The following XYLB variants were observed in gnomAD, a reference collection of about 807,000 sequenced individuals.
XYLB encodes the protein xylulokinase, also known as xylulose kinase.
Under a neutral mutation model 78.7 loss-of-function variants are expected in XYLB, and 62 were observed. The ratio of observed to expected loss-of-function variants is 0.79; its 90% CI spans 0.64 to 0.97. XYLB has a LOEUF of 0.97. XYLB is among the 50% of genes least tolerant of loss of function. XYLB has a pLI of 0.00. For synonymous variants in XYLB, 245 were observed against 247.4 expected, an observed-to-expected ratio of 0.99 and a Z score of 0.09; for missense variants, 687 against 676.8, an observed-to-expected ratio of 1.02 and a Z score of -0.17.
intron 17 of XYLB, among the ~76,000 whole-genome samples, chr3:38,400,646 A>G (rs953078071): frequency 6.6e-6 from 1 of 152,186 alleles, no homozygotes; most frequent in Non-Finnish European, 1.5e-5. Context: ...TGCTGGAGAC[A>G]AGCCTGCACT....
At chr3:38,372,617 C>T (rs1706628698) in intron 9 of XYLB, 38 bp from the exon 10 acceptor site, 1 of 1,613,668 alleles carries the variant, frequency 6.2e-7, no homozygotes, top group Admixed American at 1.7e-5. Flanking sequence ...GCGGGATTTA[C>T]CTCAACAGAG....
intron 15 of XYLB, among the ~76,000 whole-genome samples, chr3:38,388,164 T>TTG (rs1707468992): frequency 2.4e-5 from 1 of 41,194 alleles, no homozygotes; most frequent in Non-Finnish European, 9.1e-5. Flanking sequence ...TGGTGGTTTT[T>TTG]TTTTGTTTTT....
chr3:38,371,422 C>T lies in XYLB; in HGVS notation c.766-1233C>T, dbSNP rs193107540. 7.2e-3 allele frequency among the ~76,000 whole-genome samples: 1,099 copies of T among 152,184 alleles called. 9 individuals carry two copies. Among genetic ancestry groups the T allele is most frequent in the African/African-American group, 0.024 (1,002 of 41,512 alleles). On this transcript the variant is annotated intron_variant, in intron 9 of 18. Coordinates refer to ENST00000207870, the MANE Select transcript of XYLB (RefSeq NM_005108.4). ...CCGAGTAGCTGGGACTATAGGTGCC[C>T]GCCACCACGCCTGGCTAATTTTTTT... is the stretch of plus-strand genomic sequence containing the variant.
At chr3:38,375,655 T>C (rs936616096) in intron 12 of XYLB, among the ~76,000 whole-genome samples, 2 of 152,092 alleles carry the variant, frequency 1.3e-5, no homozygotes, top group African/African-American at 4.8e-5. Flanking sequence ...GGGAAGGACA[T>C]CCTGCCTCCC....
chr3:38,391,560 C>T (rs1341791507), intron 15 of XYLB, among the ~76,000 whole-genome samples: 1 of 152,192 alleles, frequency 6.6e-6, no homozygotes, highest in Non-Finnish European at 1.5e-5. Context: ...TTTCATTGTA[C>T]TGTGATATTC....
chr3:38,451,116 G>T, the XYLB span: 1 of 152,102 alleles, frequency 6.6e-6, no homozygotes, highest in African/African-American at 2.4e-5. Context: ...CCAAAACCAA[G>T]GGTTTATATA....
intron 18 of XYLB, among the ~76,000 whole-genome samples, chr3:38,405,577 G>A (rs1345464547): frequency 3.3e-5 from 5 of 152,222 alleles, no homozygotes; most frequent in Admixed American, 1.3e-4. Flanking sequence ...GAAGCAGGGC[G>A]AGGCATTGCC....
At chr3:38,371,564 G>A (rs953907664) in intron 9 of XYLB, among the ~76,000 whole-genome samples, 7 of 152,060 alleles carry the variant, frequency 4.6e-5, no homozygotes, top group Non-Finnish European at 8.8e-5. Context: ...GTGAGCCACC[G>A]CACCCGGCCT....
At chr3:38,400,659 C>T (rs1299453194) in intron 17 of XYLB, among the ~76,000 whole-genome samples, 1 of 152,222 alleles carries the variant, frequency 6.6e-6, no homozygotes, top group South Asian at 2.1e-4. Context: ...CCTGCACTTG[C>T]CATTTTTTTG....
intron 2 of XYLB, among the ~76,000 whole-genome samples, chr3:38,353,010 C>T (rs1366715849): frequency 7.2e-5 from 11 of 152,116 alleles, no homozygotes; most frequent in African/African-American, 2.4e-4. Flanking sequence ...AGATTACAGG[C>T]GTGAGCCACC....
chr3:38,399,869 G>A lies in XYLB; in HGVS notation c.1439-1022G>A, dbSNP rs1708049851. ...ATTTGGAGATATCTTCTCCCCATCT[G>A]GGTCTGGGGATGACTGTCTTGTGTA... On this transcript the variant is annotated intron_variant, in intron 17 of 18. Transcript: ENST00000207870. Among the ~76,000 whole-genome samples, 2 of 152,190 alleles carry A rather than the reference G, an allele frequency of 1.3e-5. 1 individual carries two copies. The highest frequency in any genetic ancestry group is 2.9e-5 in the Non-Finnish European group (2 of 68,028).
At chr3:38,449,466 C>T in the XYLB span, among the ~76,000 whole-genome samples, 5 of 152,258 alleles carry the variant, frequency 3.3e-5, 1 homozygote, top group South Asian at 2.1e-4. Context: ...CTATGTTGTC[C>T]AGGCTAGTCT....
chr3:38,384,602 G>A (rs973159238), intron 15 of XYLB, among the ~76,000 whole-genome samples: 2 of 152,176 alleles, frequency 1.3e-5, no homozygotes, highest in African/African-American at 4.8e-5. Flanking sequence ...CATAACGAAT[G>A]GATGTCTTTT....
rs557200216 is a variant in XYLB at position 38,347,585 on chromosome 3, C to A, written c.57+660C>A. ...GTCCCAGTTTTTCTGGAGGCTGAAGCGGATCGCTTGAGCCCAGGAGGTGGA... is the reference window on the plus strand; with the variant it reads ...GTCCCAGTTTTTCTGGAGGCTGAAGAGGATCGCTTGAGCCCAGGAGGTGGA... On this transcript the variant is annotated intron_variant, in intron 1 of 18. Transcript: ENST00000207870. 5.3e-5 allele frequency among the ~76,000 whole-genome samples: 8 copies of A among 151,548 alleles called. No homozygotes were observed. The East Asian group carries it at 5.8e-4, about 11-fold the overall frequency.
intron 14 of XYLB, 61 bp downstream of exon 14, chr3:38,377,052 A>G: frequency 2.1e-6 from 3 of 1,396,034 alleles, no homozygotes; most frequent in Non-Finnish European, 2.0e-6. Context: ...AAATTTAACA[A>G]TTGCCTATCA....
At chr3:38,347,636 A>C (rs1359964516) in intron 1 of XYLB, among the ~76,000 whole-genome samples, 1 of 151,990 alleles carries the variant, frequency 6.6e-6, no homozygotes, top group African/African-American at 2.4e-5. Flanking sequence ...AGATGGCGTC[A>C]CCGGTCTCCA....
intron 18 of XYLB, among the ~76,000 whole-genome samples, chr3:38,405,371 TAAAA>T (rs1192762406): frequency 1.1e-5 from 1 of 94,658 alleles, no homozygotes; most frequent in Non-Finnish European, 2.1e-5. Flanking sequence ...CTCATCTCTT[TAAAA>T]AAAAAAAAAA....
chr3:38,376,034 C>T (rs1706836090), intron 12 of XYLB, 83 bp from the exon 13 acceptor site: 6 of 936,074 alleles, frequency 6.4e-6, no homozygotes, highest in Non-Finnish European at 1.0e-5. Context: ...TGCAGTTCCT[C>T]TGCCTGAGTC....
chr3:38,390,518 A>G (rs1707604290), intron 15 of XYLB, among the ~76,000 whole-genome samples: 1 of 151,990 alleles, frequency 6.6e-6, no homozygotes, highest in Non-Finnish European at 1.5e-5. Flanking sequence ...CCAGCCTATT[A>G]TATTTTTTTG....
Sources: gnomAD v4.1 joint callset for allele counts (sites outside exome capture counted in the v4.1 genomes callset) on GRCh38, gnomAD v4.1.1 for gene constraint, MANE v1.5 for transcripts, NCBI Gene and HGNC (gene_info 2026-07-23, HGNC 2026-07-21) for gene names.